The following KIAA1328 variants were observed in gnomAD, a reference collection of about 807,000 sequenced individuals.
KIAA1328 encodes the protein KIAA1328.
KIAA1328 carries 52 observed loss-of-function variants against 68.1 expected under a neutral mutation model. The observed-to-expected ratio is 0.76, with a 90% CI of 0.61 to 0.96. The LOEUF is 0.96. KIAA1328 is among the 40% of genes least tolerant of loss of function. The pLI is 0.00. For missense variants in KIAA1328, 641 were observed against 677.6 expected, an observed-to-expected ratio of 0.95 and a Z score of 0.60; for synonymous variants, 232 against 239.4, an observed-to-expected ratio of 0.97 and a Z score of 0.28.
intron 9 of KIAA1328, among the ~76,000 whole-genome samples, chr18:37,174,936 G>A (rs2059571591): frequency 6.6e-6 from 1 of 152,132 alleles, no homozygotes. Flanking sequence ...CTCCCAAAGT[G>A]CTGGGATTAC....
chr18:37,039,671 A>G (rs1225881660), intron 6 of KIAA1328, among the ~76,000 whole-genome samples: 2 of 152,174 alleles, frequency 1.3e-5, no homozygotes, highest in East Asian at 1.9e-4. Context: ...TCGGCCTCCC[A>G]GAGTGCTGGG....
At chr18:37,032,230 T>G (rs2054857765) in intron 6 of KIAA1328, among the ~76,000 whole-genome samples, 1 of 152,198 alleles carries the variant, frequency 6.6e-6, no homozygotes, top group Non-Finnish European at 1.5e-5. Context: ...ATGTGTGATG[T>G]CTAATGTATA....
At chr18:37,079,825 T>G (rs1437073812) in intron 7 of KIAA1328, among the ~76,000 whole-genome samples, 1 of 148,690 alleles carries the variant, frequency 6.7e-6, no homozygotes, top group African/African-American at 2.5e-5. Flanking sequence ...AGGTGGAGGT[T>G]GCAGTGAGCT....
At chr18:37,056,413 AG>A (rs1330713151) in intron 6 of KIAA1328, among the ~76,000 whole-genome samples, 6 of 151,448 alleles carry the variant, frequency 4.0e-5, no homozygotes, top group African/African-American at 1.5e-4. Flanking sequence ...AGTCTCTCAC[AG>A]GTTTTTTTTT....
chr18:37,219,611 C>G (rs1046768841), intron 9 of KIAA1328, among the ~76,000 whole-genome samples: 1 of 152,202 alleles, frequency 6.6e-6, no homozygotes, highest in Non-Finnish European at 1.5e-5. Flanking sequence ...AGCAAGCCTC[C>G]GTGGGCATGG....
chr18:36,855,069 T>C (rs1017431119), intron 4 of KIAA1328, among the ~76,000 whole-genome samples: 4 of 152,206 alleles, frequency 2.6e-5, no homozygotes, highest in Non-Finnish European at 5.9e-5. Context: ...TAGCCCTTTT[T>C]GTTTGTTTTC....
intron 9 of KIAA1328, among the ~76,000 whole-genome samples, chr18:37,179,687 TTC>T (rs1206336888): frequency 1.3e-5 from 2 of 152,200 alleles, no homozygotes; most frequent in African/African-American, 4.8e-5. Flanking sequence ...GGAAGGAATC[TTC>T]TCTCTGTTGT....
At chr18:36,925,852 A>G (rs770057618) in intron 5 of KIAA1328, among the ~76,000 whole-genome samples, 3 of 151,970 alleles carry the variant, frequency 2.0e-5, no homozygotes, top group Non-Finnish European at 4.4e-5. Flanking sequence ...GTCTTCTTAT[A>G]TATTTCTTAC....
At chr18:36,852,262 G>C (rs781299382) in intron 4 of KIAA1328, among the ~76,000 whole-genome samples, 32 of 152,218 alleles carry the variant, frequency 2.1e-4, no homozygotes, top group Admixed American at 4.6e-4. Flanking sequence ...GCTGTTACTT[G>C]GTTGAGTGTT....
At chr18:37,221,565 T>C (rs1479615514) in intron 9 of KIAA1328, among the ~76,000 whole-genome samples, 1 of 152,196 alleles carries the variant, frequency 6.6e-6, no homozygotes, top group African/African-American at 2.4e-5. Flanking sequence ...TTCTGTTAGA[T>C]GAGTTACTTC....
chr18:37,173,217 T>C (rs2059535134), intron 9 of KIAA1328, 136 bp downstream of exon 9: 1 of 631,640 alleles, frequency 1.6e-6, no homozygotes, highest in Non-Finnish European at 2.6e-6. Context: ...TTTTGAAGCA[T>C]CTAGATTTGG....
At chr18:37,180,624 C>T (rs1019844420) in intron 9 of KIAA1328, among the ~76,000 whole-genome samples, 1 of 102,136 alleles carries the variant, frequency 9.8e-6, no homozygotes, top group Middle Eastern at 4.2e-3. Context: ...AGAATCCTAA[C>T]AGTAACAAAA....
intron 6 of KIAA1328, among the ~76,000 whole-genome samples, chr18:37,029,989 G>T (rs2054757132): frequency 6.6e-6 from 1 of 152,092 alleles, no homozygotes; most frequent in African/African-American, 2.4e-5. Context: ...GTTATATGTA[G>T]TATAATTCAG....
chr18:37,029,437 G>A (rs1278693186), intron 6 of KIAA1328, among the ~76,000 whole-genome samples: 2 of 151,998 alleles, frequency 1.3e-5, no homozygotes, highest in African/African-American at 4.8e-5. Flanking sequence ...GCAGTGGCAT[G>A]ATCTCAGTTC....
At chr18:37,167,757 G>A (rs983807628) in intron 8 of KIAA1328, among the ~76,000 whole-genome samples, 2 of 152,052 alleles carry the variant, frequency 1.3e-5, no homozygotes, top group African/African-American at 4.8e-5. Flanking sequence ...GGTGGTCTTG[G>A]AAAATGCAAC....
chr18:36,990,162 A>G (rs1462787231), intron 6 of KIAA1328, among the ~76,000 whole-genome samples: 1 of 152,068 alleles, frequency 6.6e-6, no homozygotes, highest in Non-Finnish European at 1.5e-5. Context: ...ATGTTTCTAT[A>G]CAGTGTCCAG....
intron 6 of KIAA1328, among the ~76,000 whole-genome samples, chr18:36,984,317 AT>A (rs1224393872): frequency 1.2e-4 from 19 of 152,208 alleles, no homozygotes; most frequent in African/African-American, 4.6e-4. Context: ...ATAATAAAAT[AT>A]TCTTTATTTA....
At chr18:37,151,265 A>G (rs1361777968) in intron 7 of KIAA1328, among the ~76,000 whole-genome samples, 1 of 152,202 alleles carries the variant, frequency 6.6e-6, no homozygotes, top group Admixed American at 6.5e-5. Context: ...TACTGCTGAG[A>G]CAAATTTAAG....
intron 7 of KIAA1328, among the ~76,000 whole-genome samples, chr18:37,115,214 AAG>A (rs1267338001): frequency 8.5e-5 from 13 of 152,222 alleles, no homozygotes; most frequent in Non-Finnish European, 1.8e-4. Context: ...ATGACAAAGA[AAG>A]AGATTTTTAG....
Sources: allele counts gnomAD v4.1 joint callset (sites outside exome capture counted in the v4.1 genomes callset), GRCh38; gene constraint gnomAD v4.1.1; transcripts MANE v1.5; gene names NCBI Gene and HGNC (gene_info 2026-07-23, HGNC 2026-07-21).